The following ADGRL3 variants were observed in gnomAD, a reference collection of about 807,000 sequenced individuals.
The protein encoded by ADGRL3 is calcium-independent alpha-latrotoxin receptor 3.
In ADGRL3, 62 loss-of-function variants were observed where a neutral mutation model predicts 153.5. The observed-to-expected ratio is 0.40, with a 90% CI of 0.33 to 0.50. The LOEUF is 0.50. Ranked by LOEUF, ADGRL3 falls within the 20% of genes least tolerant of loss-of-function variation. The probability of loss-of-function intolerance (pLI) is 0.47; values close to 1 mark genes in which losing one functional copy is unlikely to be tolerated. For missense variants in ADGRL3, 1,641 were observed against 1,859.4 expected (o/e 0.88, Z 2.16); for synonymous variants, 710 against 672.5 (o/e 1.06, Z -0.86).
chr4:61,821,189 C>CAAAAAAAAAAAA (rs34391051), intron 9 of ADGRL3, among the ~76,000 whole-genome samples: 3 of 107,840 alleles, frequency 2.8e-5, no homozygotes, highest in Non-Finnish European at 4.0e-5. Flanking sequence ...TGCCAATTAC[C>CAAAAAAAAAAAA]AAAAAAAAAA....
intron 5 of ADGRL3, among the ~76,000 whole-genome samples, chr4:61,643,305 G>A (rs1161794913): frequency 2.0e-5 from 3 of 151,860 alleles, no homozygotes; most frequent in East Asian, 1.9e-4. Context: ...AATTGCCCTG[G>A]CCAGAACTTC....
At chr4:61,302,318 A>G (rs1345981700) in intron 1 of ADGRL3, among the ~76,000 whole-genome samples, 1 of 152,152 alleles carries the variant, frequency 6.6e-6, no homozygotes, top group African/African-American at 2.4e-5. Flanking sequence ...GTTTGTTTGG[A>G]GAGTGAGAAT....
At chr4:61,922,914 A>G (rs2098776702) in intron 13 of ADGRL3, among the ~76,000 whole-genome samples, 1 of 152,222 alleles carries the variant, frequency 6.6e-6, no homozygotes, top group Non-Finnish European at 1.5e-5. Flanking sequence ...AAACACAGTC[A>G]TATGAGTAAA....
chr4:61,526,430 G>A (rs1048997832), intron 4 of ADGRL3, among the ~76,000 whole-genome samples: 6 of 151,714 alleles, frequency 4.0e-5, no homozygotes, highest in Non-Finnish European at 8.8e-5. Context: ...TTGATCATTG[G>A]TTAATTGTAA....
intron 6 of ADGRL3, among the ~76,000 whole-genome samples, chr4:61,706,628 G>A (rs765206253): frequency 6.6e-6 from 1 of 152,056 alleles, no homozygotes; most frequent in Non-Finnish European, 1.5e-5. Context: ...ACTGTCTCGA[G>A]TTTCAAATTT....
At chr4:61,742,723 T>C (rs2096597368) in intron 8 of ADGRL3, among the ~76,000 whole-genome samples, 2 of 152,190 alleles carry the variant, frequency 1.3e-5, no homozygotes, top group Non-Finnish European at 1.5e-5. Flanking sequence ...TAATGATTAA[T>C]GACAAAATAA....
At chr4:61,471,680 C>T (rs1560690854) in intron 2 of ADGRL3, among the ~76,000 whole-genome samples, 2 of 151,730 alleles carry the variant, frequency 1.3e-5, no homozygotes, top group South Asian at 2.1e-4. Flanking sequence ...AGTGCCATAC[C>T]CTTTAGAGAC....
At chr4:61,647,072 G>C (rs978637115) in intron 5 of ADGRL3, among the ~76,000 whole-genome samples, 2 of 152,080 alleles carry the variant, frequency 1.3e-5, no homozygotes, top group Non-Finnish European at 2.9e-5. Context: ...TCTTTGACTA[G>C]GAAAGGGAAC....
At chr4:62,035,248 A>G (rs1724354521) in intron 23 of ADGRL3, among the ~76,000 whole-genome samples, 2 of 152,024 alleles carry the variant, frequency 1.3e-5, no homozygotes, top group African/African-American at 4.8e-5. Flanking sequence ...CTGGTTGTTT[A>G]TATTATCGGT....
At chr4:61,801,984 C>G (rs893474297) in intron 8 of ADGRL3, among the ~76,000 whole-genome samples, 3 of 151,980 alleles carry the variant, frequency 2.0e-5, no homozygotes, top group Non-Finnish European at 2.9e-5. Flanking sequence ...CTGAAATGTC[C>G]AAGTTGTCTC....
At position 61,577,150 on chromosome 4, in the gene ADGRL3, TTGTGTGTGTGTGTGTGTA is replaced by T. The variant is rs1312718505; in HGVS notation, c.260-10062_260-10045del. Among the ~76,000 whole-genome samples, 3 of 147,172 alleles carry T rather than the reference TTGTGTGTGTGTGTGTGTA, an allele frequency of 2.0e-5. No homozygotes were observed. The East Asian group carries it at 6.1e-4, about 30-fold the overall frequency. ...GCTCTTTGTCCTTTCCAGTGAATAA[TTGTGTGTGTGTGTGTGTA>T]TGTGTGTGTGTGTGAGAGAGAGAGT... is the stretch of plus-strand genomic sequence containing the variant. On this transcript the variant is annotated intron_variant, in intron 4 of 26. Coordinates refer to ENST00000683033, the MANE Select transcript of ADGRL3 (RefSeq NM_001387552.1).
At chr4:61,891,424 GAAGA>G (rs749275136) in intron 9 of ADGRL3, among the ~76,000 whole-genome samples, 1 of 152,072 alleles carries the variant, frequency 6.6e-6, no homozygotes, top group African/African-American at 2.4e-5. Flanking sequence ...AGGGAAAATA[GAAGA>G]AAGAGGCAAA....
At chr4:61,560,960 A>T (rs1207703884) in intron 4 of ADGRL3, among the ~76,000 whole-genome samples, 1 of 152,170 alleles carries the variant, frequency 6.6e-6, no homozygotes, top group Non-Finnish European at 1.5e-5. Context: ...TGAAAAAGAT[A>T]TATAGATATT....
intron 2 of ADGRL3, among the ~76,000 whole-genome samples, chr4:61,495,667 G>C (rs1038480651): frequency 1.3e-5 from 2 of 152,108 alleles, no homozygotes; most frequent in African/African-American, 4.8e-5. Flanking sequence ...TAAATCTTGG[G>C]AAGACTTGAA....
intron 8 of ADGRL3, among the ~76,000 whole-genome samples, chr4:61,750,368 C>G (rs1012503241): frequency 6.6e-6 from 1 of 152,110 alleles, no homozygotes. Flanking sequence ...CATACGTAGT[C>G]CAGAGCTACA....
intron 9 of ADGRL3, among the ~76,000 whole-genome samples, chr4:61,882,961 A>T (rs6817768): frequency 3.3e-5 from 5 of 151,828 alleles, no homozygotes; most frequent in African/African-American, 1.2e-4. Flanking sequence ...ACACATGCAC[A>T]CAAAATTAGC....
intron 2 of ADGRL3, among the ~76,000 whole-genome samples, chr4:61,434,891 A>G (rs760454615): frequency 2.0e-5 from 3 of 152,116 alleles, no homozygotes; most frequent in Admixed American, 2.0e-4. Flanking sequence ...TTTGAAACAA[A>G]ATGGCTTTGC....
chr4:61,323,881 A>T (rs954400345), intron 1 of ADGRL3, among the ~76,000 whole-genome samples: 1 of 152,128 alleles, frequency 6.6e-6, no homozygotes, highest in Non-Finnish European at 1.5e-5. Flanking sequence ...GTACCAATTT[A>T]CTGTATAGTC....
chr4:61,433,451 A>C (rs1471624321), intron 2 of ADGRL3, among the ~76,000 whole-genome samples: 4 of 151,910 alleles, frequency 2.6e-5, no homozygotes, highest in African/African-American at 9.7e-5. Context: ...GTCTCACCTT[A>C]CTTAAATATC....
Sources: gnomAD v4.1 joint callset for allele counts (sites outside exome capture counted in the v4.1 genomes callset) on GRCh38, gnomAD v4.1.1 for gene constraint, MANE v1.5 for transcripts, NCBI Gene and HGNC (gene_info 2026-07-23, HGNC 2026-07-21) for gene names.